FRMPD4: variants seen among roughly 807,000 people sequenced by gnomAD.
The protein encoded by FRMPD4 is FERM and PDZ domain-containing protein 4.
In FRMPD4, 22 loss-of-function variants were observed where a neutral mutation model predicts 94.1. The observed-to-expected ratio is 0.23, with a 90% CI of 0.17 to 0.33. The LOEUF (loss-of-function observed/expected upper bound fraction) is 0.33, where lower values mean the gene tolerates loss of function less well. Among genes scored for constraint, FRMPD4 ranks in the 10% least tolerant of loss-of-function variants. The probability of loss-of-function intolerance (pLI) is 1.00; values close to 1 mark genes in which losing one functional copy is unlikely to be tolerated. For missense variants in FRMPD4, 1,111 were observed against 1,339.9 expected (o/e 0.83, Z 2.67); for synonymous variants, 631 against 548.6 (o/e 1.15, Z -2.10).
chrX:12,701,828 C>A, intron 9 of FRMPD4, 46 bp from the exon 10 acceptor site: 1 of 1,187,587 alleles, frequency 8.4e-7, no homozygotes, highest in Non-Finnish European at 1.1e-6. Context: ...CCACGCGCTG[C>A]GGCCTATTCT....
chrX:12,285,207 TACA>T (rs1476426012), intron 1 of FRMPD4, among the ~76,000 whole-genome samples: 5 of 112,084 alleles, frequency 4.5e-5, no homozygotes, highest in Admixed American at 9.4e-5. Flanking sequence ...CTATTCATTG[TACA>T]ACACTTTTTT....
chrX:12,099,064 G>C (rs1450387941), intron 3 of FRMPD4, among the ~76,000 whole-genome samples: 2 of 79,073 alleles, frequency 2.5e-5, no homozygotes, highest in South Asian at 9.5e-4. Context: ...GGACTGTTGT[G>C]GGGTGGGGGG....
chrX:11,963,369 C>T (rs938535352), intron 3 of FRMPD4, among the ~76,000 whole-genome samples: 2 of 111,996 alleles, frequency 1.8e-5, no homozygotes, highest in African/African-American at 6.5e-5. Context: ...ATGGCATAGA[C>T]GACATTTCCA....
intron 3 of FRMPD4, among the ~76,000 whole-genome samples, chrX:11,885,699 T>C (rs1296009643): frequency 4.5e-5 from 5 of 111,232 alleles, no homozygotes; most frequent in African/African-American, 1.6e-4. Context: ...TTGTCTTCCA[T>C]TGTCTTTAGG....
chrX:12,604,436 ATGTT>A (rs2059111923), intron 2 of FRMPD4, among the ~76,000 whole-genome samples: 1 of 112,003 alleles, frequency 8.9e-6, no homozygotes, highest in African/African-American at 3.2e-5. Flanking sequence ...ATATCAATGT[ATGTT>A]TGTATTTATT....
chrX:12,255,958 G>A (rs1037827416), intron 1 of FRMPD4, among the ~76,000 whole-genome samples: 3 of 112,202 alleles, frequency 2.7e-5, no homozygotes, highest in Non-Finnish European at 5.6e-5. Context: ...CTTGATTCTT[G>A]AAGTTGAAAG....
upstream of FRMPD4, among the ~76,000 whole-genome samples, chrX:12,136,214 T>A (rs1452501004): frequency 9.0e-6 from 1 of 110,560 alleles, no homozygotes; most frequent in Non-Finnish European, 1.9e-5. Context: ...TTTCTTAAGT[T>A]CTTTCTACAT....
At chrX:12,539,113 C>T (rs1388646930) in intron 2 of FRMPD4, among the ~76,000 whole-genome samples, 1 of 112,345 alleles carries the variant, frequency 8.9e-6, no homozygotes, top group Admixed American at 9.4e-5. Context: ...GAGCTGAAAA[C>T]TATGGCACGA....
chrX:11,963,000 C>A (rs1178965051), intron 3 of FRMPD4, among the ~76,000 whole-genome samples: 1 of 112,007 alleles, frequency 8.9e-6, no homozygotes, highest in Non-Finnish European at 1.9e-5. Context: ...CCCCTCATCA[C>A]CACTACTAAT....
At chrX:12,673,177 A>C (rs1172871226) in intron 4 of FRMPD4, among the ~76,000 whole-genome samples, 1 of 112,202 alleles carries the variant, frequency 8.9e-6, no homozygotes, top group East Asian at 2.8e-4. Flanking sequence ...AGGACAAGCC[A>C]GGCAGGGCAG....
intron 1 of FRMPD4, among the ~76,000 whole-genome samples, chrX:12,185,111 AG>A (rs923543365): frequency 3.6e-5 from 4 of 111,817 alleles, no homozygotes; most frequent in African/African-American, 1.3e-4. Context: ...GCACACCATA[AG>A]TATAGATACC....
chrX:11,847,709 A>C lies in FRMPD4; in HGVS notation c.-160-17377A>C, dbSNP rs1303079201. ...ATGGAATACTATGTAGCCATAAAAAATGATGAGCTAATGTCCTTTGTAGGG... is the reference window on the plus strand; with the variant it reads ...ATGGAATACTATGTAGCCATAAAAACTGATGAGCTAATGTCCTTTGTAGGG... On this transcript the variant is annotated intron_variant, in intron 1 of 18. Coordinates refer to the FRMPD4 transcript ENST00000640291. Among the ~76,000 whole-genome samples, 3 of 110,523 alleles carry C rather than the reference A, an allele frequency of 2.7e-5. No homozygotes were observed. The East Asian group carries it at 8.5e-4, about 31-fold the overall frequency.
At chrX:12,579,324 T>C (rs1294309693) in intron 2 of FRMPD4, among the ~76,000 whole-genome samples, 1 of 112,758 alleles carries the variant, frequency 8.9e-6, no homozygotes, top group Non-Finnish European at 1.9e-5. Context: ...GAGTAGCTTA[T>C]AGCCCTTGAG....
intron 3 of FRMPD4, among the ~76,000 whole-genome samples, chrX:12,027,083 C>A (rs2054665430): frequency 8.9e-6 from 1 of 112,146 alleles, no homozygotes; most frequent in South Asian, 3.7e-4. Context: ...TCTCACAAGG[C>A]AGCTTATTTG....
chrX:12,680,953 C>T (rs1169849263), intron 5 of FRMPD4, among the ~76,000 whole-genome samples: 1 of 111,216 alleles, frequency 9.0e-6, no homozygotes, highest in African/African-American at 3.3e-5. Context: ...CACCATGGCA[C>T]TCTAAGGTTA....
chrX:12,525,559 T>C (rs2058214275), intron 2 of FRMPD4, among the ~76,000 whole-genome samples: 1 of 112,595 alleles, frequency 8.9e-6, no homozygotes, highest in Admixed American at 9.4e-5. Context: ...TTGACATATT[T>C]TGAAATGGCC....
intron 1 of FRMPD4, among the ~76,000 whole-genome samples, chrX:12,292,282 C>T (rs914098257): frequency 1.4e-4 from 16 of 111,750 alleles, no homozygotes; most frequent in Admixed American, 5.7e-4. Flanking sequence ...AATAATAGTA[C>T]GAACTGAAAA....
In FRMPD4 at chrX:12,721,679, A is replaced by G. The variant is rs1435548716; in HGVS notation, c.5110A>G (p.Ile1704Val). The G allele has an allele frequency of 2.7e-6, 2 of 751,183 alleles. No individual in the cohort carries two copies. Among genetic ancestry groups the G allele is most frequent in the African/African-American group, 2.3e-5 (1 of 42,978 alleles). 61.9% of individuals were successfully genotyped at this position (751,183 alleles called of 1,213,427 possible). A position where few individuals can be genotyped will look rare whatever the true frequency, so the allele number is the denominator to read the frequency against. The change falls in exon 17 of 17, where the codon ATT (isoleucine) becomes GTT (valine). Residue 1704 changes from isoleucine (I) to valine (V), a missense_variant. Coordinates refer to ENST00000675598, the MANE Select transcript of FRMPD4 (RefSeq NM_001368397.1). ...GAACTCAGAAACACAGCGGCAGGAAATTGTAGGGAAGATCGATGAAGTGGT... is the reference window on the plus strand; with the variant it reads ...GAACTCAGAAACACAGCGGCAGGAAGTTGTAGGGAAGATCGATGAAGTGGT... Reference protein sequence around the residue: ...VVNSETQRQEIVGKIDEVVIN... With the variant: ...VVNSETQRQEVVGKIDEVVIN...
intron 3 of FRMPD4, among the ~76,000 whole-genome samples, chrX:12,124,196 C>T (rs907829203): frequency 2.7e-5 from 3 of 112,454 alleles, no homozygotes; most frequent in African/African-American, 9.7e-5. Context: ...CTTCCCCTAA[C>T]ACCATGTTCC....
Sources: allele counts gnomAD v4.1 joint callset (sites outside exome capture counted in the v4.1 genomes callset), GRCh38; gene constraint gnomAD v4.1.1; transcripts MANE v1.5; gene names NCBI Gene and HGNC (gene_info 2026-07-23, HGNC 2026-07-21).